Variants in AGBL4 observed in about 807,000 individuals in gnomAD.
The protein encoded by AGBL4 is AGBL carboxypeptidase 4.
In AGBL4, 58 loss-of-function variants were observed where a neutral mutation model predicts 66.4. That is an observed-to-expected ratio of 0.87 (90% CI 0.71 to 1.09). The LOEUF (loss-of-function observed/expected upper bound fraction) is 1.09. AGBL4 is among the 50% of genes least tolerant of loss of function. The pLI is 0.00. For synonymous variants in AGBL4, 234 were observed against 222.9 expected (o/e 1.05, Z -0.44); for missense variants, 579 against 631.0 (o/e 0.92, Z 0.88).
At chr1:49,979,063 T>A (rs899905651) in intron 1 of AGBL4, among the ~76,000 whole-genome samples, 3 of 152,152 alleles carry the variant, frequency 2.0e-5, no homozygotes, top group Non-Finnish European at 4.4e-5. Context: ...AAGAAAAAGT[T>A]AGGTATGCCA....
At chr1:49,404,170 T>G (rs1429144344) in intron 3 of AGBL4, among the ~76,000 whole-genome samples, 1 of 152,144 alleles carries the variant, frequency 6.6e-6, no homozygotes, top group African/African-American at 2.4e-5. Context: ...GATGCTGTAT[T>G]TAGAGATACA....
At chr1:49,400,256 C>G (rs530981457) in intron 3 of AGBL4, among the ~76,000 whole-genome samples, 1 of 152,102 alleles carries the variant, frequency 6.6e-6, no homozygotes, top group African/African-American at 2.4e-5. Context: ...TGTTTTTATG[C>G]CAGTACCATG....
At chr1:49,432,911 G>C (rs1368529680) in intron 3 of AGBL4, among the ~76,000 whole-genome samples, 2 of 152,164 alleles carry the variant, frequency 1.3e-5, no homozygotes, top group Admixed American at 6.5e-5. Flanking sequence ...TTCAGTTGCA[G>C]TCCCCAACCT....
intron 3 of AGBL4, among the ~76,000 whole-genome samples, chr1:49,556,706 C>T (rs1017298703): frequency 2.6e-5 from 4 of 151,956 alleles, no homozygotes; most frequent in Non-Finnish European, 4.4e-5. Context: ...TGCTAGGTGC[C>T]GGCACTCTTC....
At chr1:49,581,852 C>T (rs1042960627) in intron 3 of AGBL4, among the ~76,000 whole-genome samples, 7 of 152,034 alleles carry the variant, frequency 4.6e-5, no homozygotes, top group Non-Finnish European at 7.4e-5. Context: ...TGTAGTAGTG[C>T]TATACGAGGC....
chr1:49,660,040 A>T (rs2124486782), intron 3 of AGBL4, among the ~76,000 whole-genome samples: 1 of 152,260 alleles, frequency 6.6e-6, no homozygotes, highest in East Asian at 1.9e-4. Flanking sequence ...AATAGGCATA[A>T]GCAAAGATTT....
At chr1:50,021,996 T>C (rs1287405604) in intron 1 of AGBL4, among the ~76,000 whole-genome samples, 6 of 152,278 alleles carry the variant, frequency 3.9e-5, no homozygotes, top group African/African-American at 7.2e-5. Context: ...GCATAACATG[T>C]TTCCACCTGC....
intron 3 of AGBL4, among the ~76,000 whole-genome samples, chr1:49,530,284 T>TAAAAAAAA: frequency 2.8e-5 from 1 of 35,792 alleles, no homozygotes; most frequent in Non-Finnish European, 7.1e-5. Flanking sequence ...AAAAAAAAAC[T>TAAAAAAAA]CTATGAGTTT....
intron 1 of AGBL4, among the ~76,000 whole-genome samples, chr1:49,859,975 G>A (rs929118816): frequency 1.3e-5 from 2 of 152,110 alleles, no homozygotes; most frequent in Non-Finnish European, 2.9e-5. Flanking sequence ...ATTAAAATCA[G>A]TAATATTTGT....
intron 1 of AGBL4, among the ~76,000 whole-genome samples, chr1:49,974,970 T>C (rs1287349754): frequency 6.6e-6 from 1 of 152,202 alleles, no homozygotes; most frequent in African/African-American, 2.4e-5. Context: ...GAAGTCTACA[T>C]CATACATTAT....
intron 3 of AGBL4, among the ~76,000 whole-genome samples, chr1:49,278,903 G>C (rs1431651743): frequency 2.0e-5 from 3 of 152,126 alleles, no homozygotes; most frequent in Non-Finnish European, 1.5e-5. Flanking sequence ...CCATTAATCT[G>C]CTATGTTTAG....
chr1:49,979,844 T>G lies in AGBL4; in HGVS notation c.34+43919A>C, dbSNP rs556456016. Among the ~76,000 whole-genome samples the G allele has an allele frequency of 2.0e-3, 301 of 152,276 alleles. 10 individuals carry two copies. The South Asian group carries it at 0.061, about 31-fold the overall frequency. ...GCTCCCAAGAAGCAGAGGAAAGTCA[T>G]GACACTACAAAAAAAAATTAATTGC... On this transcript the variant is annotated intron_variant, in intron 1 of 13. Coordinates refer to ENST00000371839, the MANE Select transcript of AGBL4 (RefSeq NM_032785.4).
At chr1:48,670,618 GC>G (rs1404215999) in intron 6 of AGBL4, among the ~76,000 whole-genome samples, 2 of 152,234 alleles carry the variant, frequency 1.3e-5, no homozygotes, top group East Asian at 1.9e-4. Context: ...AGTTTCTAAA[GC>G]CCCCTTCCTT....
At chr1:49,539,196 G>C (rs1651825559) in intron 3 of AGBL4, among the ~76,000 whole-genome samples, 1 of 152,020 alleles carries the variant, frequency 6.6e-6, no homozygotes, top group East Asian at 1.9e-4. Flanking sequence ...TGTCAGTTTT[G>C]TAAACAATTA....
At chr1:49,729,800 GAGA>G (rs1337923558) in intron 2 of AGBL4, among the ~76,000 whole-genome samples, 47 of 152,244 alleles carry the variant, frequency 3.1e-4, no homozygotes, top group Admixed American at 2.5e-3. Flanking sequence ...TTTAAAAAAT[GAGA>G]TATATTGATA....
At chr1:49,985,587 A>T (rs1659435555) in intron 1 of AGBL4, among the ~76,000 whole-genome samples, 2 of 152,190 alleles carry the variant, frequency 1.3e-5, no homozygotes, top group African/African-American at 4.8e-5. Context: ...GATGGTTAAG[A>T]ATGCTTACAC....
chr1:49,570,406 A>T (rs982568858), intron 3 of AGBL4, among the ~76,000 whole-genome samples: 4 of 152,086 alleles, frequency 2.6e-5, no homozygotes, highest in African/African-American at 9.6e-5. Context: ...AACATTAAAA[A>T]TATGTCCTTT....
At chr1:49,282,693 G>T (rs868028468) in intron 3 of AGBL4, among the ~76,000 whole-genome samples, 5 of 152,198 alleles carry the variant, frequency 3.3e-5, no homozygotes, top group African/African-American at 4.8e-5. Context: ...GCAGGGCGAG[G>T]CATTGCCTCA....
intron 3 of AGBL4, among the ~76,000 whole-genome samples, chr1:49,280,205 T>G (rs970715375): frequency 1.1e-4 from 16 of 151,944 alleles, no homozygotes; most frequent in Non-Finnish European, 2.1e-4. Flanking sequence ...CAGTTAGCAG[T>G]AAGAACCCAT....
Sources: allele counts gnomAD v4.1 joint callset (sites outside exome capture counted in the v4.1 genomes callset), GRCh38; gene constraint gnomAD v4.1.1; transcripts MANE v1.5; gene names NCBI Gene and HGNC (gene_info 2026-07-23, HGNC 2026-07-21).